VWF: variants seen among roughly 807,000 people sequenced by gnomAD.
VWF encodes von Willebrand factor.
A neutral mutation model predicts 308.6 loss-of-function variants in VWF; 176 were observed. The observed-to-expected ratio is 0.57, with a 90% CI of 0.50 to 0.65. VWF has a LOEUF of 0.65. Among genes scored for constraint, VWF ranks in the 30% least tolerant of loss-of-function variants. The probability of loss-of-function intolerance (pLI) is 0.00; values close to 1 mark genes in which losing one functional copy is unlikely to be tolerated. For synonymous variants in VWF, 1,385 were observed against 1,443.4 expected (o/e 0.96, Z 0.92); for missense variants, 3,146 against 3,648.2 (o/e 0.86, Z 3.55).
chr12:5,968,317 T>A, intron 45 of VWF, 150 bp from the exon 46 acceptor site: 1 of 863,954 alleles, frequency 1.2e-6, no homozygotes, highest in South Asian at 1.7e-5. Flanking sequence ...AACCCAGCGC[T>A]GGGGGTCCTA....
intron 5 of VWF, among the ~76,000 whole-genome samples, chr12:6,108,572 T>C (rs1046959867): frequency 4.1e-5 from 6 of 145,968 alleles, no homozygotes; most frequent in African/African-American, 1.5e-4. Flanking sequence ...TTTTTGGGCA[T>C]ACATAGAACA....
intron 15 of VWF, among the ~76,000 whole-genome samples, chr12:6,052,995 T>C (rs1944535876): frequency 6.6e-6 from 1 of 152,214 alleles, no homozygotes; most frequent in Non-Finnish European, 1.5e-5. Context: ...CCCCCAATTA[T>C]ATCTGTATGG....
At position 5,969,199 on chromosome 12, in the gene VWF, T is replaced by C. The variant is rs771516504; in HGVS notation, c.7729+12A>G. The C allele has an allele frequency of 5.6e-6, 9 of 1,609,152 alleles. No individual in the cohort carries two copies. Among genetic ancestry groups the C allele is most frequent in the Non-Finnish European group, 7.6e-6 (9 of 1,177,650 alleles). ...TGCCCGGTCCAGCCCAGCCCCAGCC[T>C]GCATGCCTTACCACAGCGACAGCTT... On this transcript the variant is annotated intron_variant, in intron 45 of 51. Transcript: ENST00000261405.
At chr12:6,048,083 T>C (rs1039009754) in intron 16 of VWF, among the ~76,000 whole-genome samples, 1 of 152,230 alleles carries the variant, frequency 6.6e-6, no homozygotes, top group African/African-American at 2.4e-5. Flanking sequence ...ATTATCCAGA[T>C]GTCTAATTTT....
In VWF at chr12:6,025,921, A is replaced by G; in HGVS notation, c.3093T>C (p.Cys1031=). ...FGNSWKVSSQ[C]ADTRKVPLDS... ...CCAGACGTACTTTTCTGGTGTCAGC[A>G]CACTGCGAGCTCACTTTCCAGGAGT... Residue 1031 remains cysteine (C), a synonymous_variant, in exon 23 of 52, where the codon TGT becomes TGC. Transcript: ENST00000261405. 6.2e-7 allele frequency: 1 copy of G among 1,613,960 alleles called. No individual in the cohort carries two copies. The highest frequency in any genetic ancestry group is 8.5e-7 in the Non-Finnish European group (1 of 1,179,874).
chr12:5,977,308 G>A (rs1943543136), intron 42 of VWF, among the ~76,000 whole-genome samples: 2 of 152,188 alleles, frequency 1.3e-5, no homozygotes, highest in Admixed American at 6.5e-5. Flanking sequence ...ATTTGTAATA[G>A]CAAAAGGCTG....
At chr12:6,091,887 G>A (rs79849338) in intron 6 of VWF, among the ~76,000 whole-genome samples, 13,495 of 152,192 alleles carry the variant, frequency 0.089, 2,004 homozygotes, top group African/African-American at 0.31. Context: ...GCTAGCTGGC[G>A]ACTTGGGGCA....
intron 25 of VWF, 59 bp downstream of exon 25, chr12:6,023,572 A>C: frequency 6.2e-7 from 1 of 1,607,838 alleles, no homozygotes; most frequent in Non-Finnish European, 8.5e-7. Context: ...AAGGTCTTCA[A>C]GCATAGACAC....
At chr12:6,092,634 T>TGAGAGTGAGAGAGAGAGAGAGAGA (rs1565386750) in intron 6 of VWF, among the ~76,000 whole-genome samples, 4 of 79,262 alleles carry the variant, frequency 5.0e-5, no homozygotes, top group African/African-American at 2.4e-4. Flanking sequence ...TGTGTGTGTG[T>TGAGAGTGAGAGAGAGAGAGAGAGA]GTGTGTGTGT....
At chr12:5,956,953 T>C (rs1943258740) in intron 47 of VWF, among the ~76,000 whole-genome samples, 1 of 152,226 alleles carries the variant, frequency 6.6e-6, no homozygotes, top group Admixed American at 6.5e-5. Context: ...CACCACTCAC[T>C]CTCTGACTCA....
At chr12:6,008,635 C>T (rs1465408445) in intron 34 of VWF, among the ~76,000 whole-genome samples, 1 of 152,178 alleles carries the variant, frequency 6.6e-6, no homozygotes, top group Non-Finnish European at 1.5e-5. Flanking sequence ...ACTCTCACCA[C>T]TTCTATTCAA....
At position 6,035,880 on chromosome 12, in the gene VWF, C is replaced by T. The variant is rs1345678624; in HGVS notation, c.2546+508G>A. Among the ~76,000 whole-genome samples the T allele has an allele frequency of 2.0e-5, 3 of 152,330 alleles. No individual in the cohort carries two copies. In the East Asian group the frequency reaches 5.8e-4, roughly 29 times the overall value. On this transcript the variant is annotated intron_variant, in intron 19 of 51. Coordinates refer to ENST00000261405, the MANE Select transcript of VWF (RefSeq NM_000552.5). ...CACCAACATGACACCACATGGGTGG[C>T]TGAGAGGGTGACACCTTTACTTTCT...
rs1368289779 is a variant in VWF at position 6,095,499 on chromosome 12, G to A, written c.618C>T (p.Pro206=). Residue 206 remains proline, a synonymous_variant, in exon 6 of 52, where the codon CCC becomes CCT. Transcript: ENST00000261405. ...GEQWCERASP[P]SSSCNISSGE... ...CAGAGGAGATGTTGCATGAGCTGCT[G>A]GGAGGAGATGCCCGTTCACACCACT... 42 of 1,614,010 alleles carry A rather than the reference G, an allele frequency of 2.6e-5. No homozygotes were observed. Among genetic ancestry groups the A allele is most frequent in the Non-Finnish European group, 3.4e-5 (40 of 1,180,022 alleles).
chr12:6,013,432 T>C, intron 32 of VWF, 49 bp downstream of exon 32: 1 of 1,610,698 alleles, frequency 6.2e-7, no homozygotes, highest in Non-Finnish European at 8.5e-7. Context: ...GGCGGGTTTA[T>C]TTTGGAACTT....
rs1944108944 is a variant in VWF at position 6,019,692 on chromosome 12, G to A, written c.3726C>T (p.Gly1242=). 6.2e-7 allele frequency: 1 copy of A among 1,613,624 alleles called. No homozygotes were observed. Among genetic ancestry groups the A allele is most frequent in the East Asian group, 2.2e-5 (1 of 44,838 alleles). Residue 1242 remains glycine, a synonymous_variant, in exon 28 of 52, where the codon GGC becomes GGT. Coordinates refer to ENST00000261405, the MANE Select transcript of VWF (RefSeq NM_000552.5). This position sits in a 1 kb window ranked among gnomAD's most constrained non-coding sequence, Gnocchi z 5.8. The part of the protein sequence containing the change: ...LTCEACQEPG[G]LVVPPTDAPV... ...GGGCATCTGTGGGAGGCACCACCAG[G>A]CCTCCCGGCTCCTGGCAGGCTTCAC...
intron 11 of VWF, among the ~76,000 whole-genome samples, chr12:6,064,622 T>A (rs895809377): frequency 1.3e-5 from 2 of 152,208 alleles, no homozygotes; most frequent in Non-Finnish European, 1.5e-5. Flanking sequence ...CAGTCTCTTA[T>A]AAAGAACCAT....
intron 8 of VWF, among the ~76,000 whole-genome samples, chr12:6,073,067 A>G (rs1048274575): frequency 1.3e-5 from 2 of 152,084 alleles, no homozygotes; most frequent in African/African-American, 4.8e-5. Flanking sequence ...GGATTTCACC[A>G]GGTTGGCCAG....
chr12:6,046,902 G>T lies in VWF; in HGVS notation c.2187-85C>A. 1.6e-6 allele frequency: 2 copies of T among 1,264,328 alleles called. No homozygotes were observed. Among genetic ancestry groups the T allele is most frequent in the Non-Finnish European group, 2.3e-6 (2 of 887,358 alleles). The allele number at this position is 1,264,328 out of a possible 1,614,324, so 78.3% of individuals were successfully genotyped here. On this transcript the variant is annotated intron_variant, in intron 16 of 51. Coordinates refer to ENST00000261405, the MANE Select transcript of VWF (RefSeq NM_000552.5). This position sits in a 1 kb window ranked among gnomAD's most constrained non-coding sequence, Gnocchi z 5.0. ...CATCTTCACCTCCCACTCACTCTCT[G>T]CCCCTTCCAACCAGGTCCCAGTCCC...
At chr12:6,121,805 C>T (rs1436156663) in intron 2 of VWF, among the ~76,000 whole-genome samples, 2 of 151,330 alleles carry the variant, frequency 1.3e-5, no homozygotes, top group Non-Finnish European at 3.0e-5. Context: ...GTGGTGGGCG[C>T]CTGTAATCCC....
Sources: gnomAD v4.1 joint callset for allele counts (sites outside exome capture counted in the v4.1 genomes callset) on GRCh38, gnomAD v4.1.1 for gene constraint, Gnocchi (gnomAD v3.1) non-coding constraint, MANE v1.5 for transcripts, NCBI Gene and HGNC (gene_info 2026-07-23, HGNC 2026-07-21) for gene names.